Variants in ADGRL3 observed in about 807,000 individuals in gnomAD.
ADGRL3 encodes the protein adhesion G protein-coupled receptor L3, also known as calcium-independent alpha-latrotoxin receptor 3.
In ADGRL3, 62 loss-of-function variants were observed where a neutral mutation model predicts 153.5. That is an observed-to-expected ratio of 0.40 (90% CI 0.33 to 0.50). ADGRL3 has a LOEUF of 0.50. Among genes scored for constraint, ADGRL3 ranks in the 20% least tolerant of loss-of-function variants. The pLI is 0.47. For missense variants in ADGRL3, 1,641 were observed against 1,859.4 expected (o/e 0.88, Z 2.16); for synonymous variants, 710 against 672.5 (o/e 1.06, Z -0.86).
At chr4:61,816,039 A>C (rs2097685165) in intron 9 of ADGRL3, among the ~76,000 whole-genome samples, 1 of 152,230 alleles carries the variant, frequency 6.6e-6, no homozygotes, top group African/African-American at 2.4e-5. Context: ...TATGAATTAT[A>C]AATCAATGCA....
intron 2 of ADGRL3, among the ~76,000 whole-genome samples, chr4:61,421,193 G>T (rs1380864279): frequency 6.6e-6 from 1 of 152,084 alleles, no homozygotes; most frequent in Admixed American, 6.5e-5. Context: ...AATTAGCTGG[G>T]CTTGGTGGCG....
intron 5 of ADGRL3, among the ~76,000 whole-genome samples, chr4:61,639,235 T>C (rs908605475): frequency 4.6e-5 from 7 of 152,152 alleles, no homozygotes; most frequent in African/African-American, 1.7e-4. Context: ...GCCTCATGAA[T>C]GTTAGGTGTA....
intron 4 of ADGRL3, among the ~76,000 whole-genome samples, chr4:61,528,125 C>T (rs900174981): frequency 3.3e-5 from 5 of 152,136 alleles, no homozygotes; most frequent in African/African-American, 7.2e-5. Flanking sequence ...CACTATGCTT[C>T]GGTTCCCTCA....
At chr4:61,446,669 G>A (rs1235900205) in intron 2 of ADGRL3, among the ~76,000 whole-genome samples, 2 of 152,174 alleles carry the variant, frequency 1.3e-5, no homozygotes, top group Non-Finnish European at 2.9e-5. Context: ...TTTGACCTTA[G>A]CAGTTTGTAA....
chr4:61,973,359 C>A (rs1454294018), intron 17 of ADGRL3, among the ~76,000 whole-genome samples: 1 of 151,930 alleles, frequency 6.6e-6, no homozygotes, highest in African/African-American at 2.4e-5. Context: ...TCCTTTCCTC[C>A]CATCACTCCA....
At chr4:61,945,976 T>C (rs2098921396) in intron 15 of ADGRL3, among the ~76,000 whole-genome samples, 1 of 152,140 alleles carries the variant, frequency 6.6e-6, no homozygotes, top group Non-Finnish European at 1.5e-5. Context: ...TATATTCTAT[T>C]ATATAATGTG....
chr4:61,963,921 G>A (rs1195312872), intron 17 of ADGRL3, among the ~76,000 whole-genome samples: 1 of 152,164 alleles, frequency 6.6e-6, no homozygotes, highest in Non-Finnish European at 1.5e-5. Flanking sequence ...GTGGACACTG[G>A]ATGAAGACTT....
At chr4:61,525,486 G>C (rs2098553768) in intron 4 of ADGRL3, among the ~76,000 whole-genome samples, 1 of 152,126 alleles carries the variant, frequency 6.6e-6, no homozygotes, top group Admixed American at 6.6e-5. Context: ...GTGAGACTCT[G>C]TACATAATTG....
At chr4:61,961,284 A>G (rs1295384995) in intron 17 of ADGRL3, among the ~76,000 whole-genome samples, 1 of 152,140 alleles carries the variant, frequency 6.6e-6, no homozygotes, top group African/African-American at 2.4e-5. Context: ...TGTGCCAGAC[A>G]CTTGCAAACA....
At chr4:61,724,768 T>A (rs975750713) in intron 6 of ADGRL3, among the ~76,000 whole-genome samples, 5 of 151,402 alleles carry the variant, frequency 3.3e-5, no homozygotes, top group African/African-American at 1.2e-4. Flanking sequence ...GAACTTCACA[T>A]TTTTTTTTAT....
intron 25 of ADGRL3, among the ~76,000 whole-genome samples, chr4:62,049,653 C>T (rs1396862181): frequency 6.6e-6 from 1 of 152,074 alleles, no homozygotes; most frequent in African/African-American, 2.4e-5. Flanking sequence ...TAGCTAGTGG[C>T]ATTACTACCT....
intron 8 of ADGRL3, among the ~76,000 whole-genome samples, chr4:61,737,192 T>G (rs540571978): frequency 6.6e-6 from 1 of 152,142 alleles, no homozygotes; most frequent in Non-Finnish European, 1.5e-5. Flanking sequence ...AGTCAAAAAC[T>G]AATCCTAAAT....
At chr4:61,737,067 T>A (rs1189067702) in intron 8 of ADGRL3, among the ~76,000 whole-genome samples, 1 of 151,492 alleles carries the variant, frequency 6.6e-6, no homozygotes, top group Non-Finnish European at 1.5e-5. Flanking sequence ...GTAAATTACA[T>A]TGACTTTTTT....
chr4:62,002,559 A>C (rs2099144167), intron 21 of ADGRL3, among the ~76,000 whole-genome samples: 1 of 151,966 alleles, frequency 6.6e-6, no homozygotes, highest in South Asian at 2.1e-4. Flanking sequence ...TTCTCTAGAA[A>C]AAATAATAAA....
chr4:61,295,208 G>T (rs929429262), intron 1 of ADGRL3, among the ~76,000 whole-genome samples: 6 of 152,034 alleles, frequency 3.9e-5, no homozygotes, highest in African/African-American at 1.4e-4. Flanking sequence ...AACTGTCAAG[G>T]TATTGCAGTG....
At chr4:61,629,550 C>G (rs2093028876) in intron 5 of ADGRL3, among the ~76,000 whole-genome samples, 1 of 151,026 alleles carries the variant, frequency 6.6e-6, no homozygotes, top group South Asian at 2.1e-4. Context: ...AATCCCCTCT[C>G]TACTAAAAAT....
At chr4:61,417,914 T>G (rs2097161996) in intron 2 of ADGRL3, among the ~76,000 whole-genome samples, 1 of 152,132 alleles carries the variant, frequency 6.6e-6, no homozygotes, top group Admixed American at 6.5e-5. Context: ...CTTGTTGCAT[T>G]TTTTAGAAAA....
intron 5 of ADGRL3, among the ~76,000 whole-genome samples, chr4:61,595,634 GTGA>G (rs2098985909): frequency 6.6e-6 from 1 of 152,164 alleles, no homozygotes; most frequent in African/African-American, 2.4e-5. Flanking sequence ...GGTTAGAGGA[GTGA>G]TGGCACAAGC....
chr4:61,408,728 G>A, intron 2 of ADGRL3, among the ~76,000 whole-genome samples: 1 of 151,884 alleles, frequency 6.6e-6, no homozygotes, highest in East Asian at 1.9e-4. Flanking sequence ...TAATATGCAT[G>A]GTTTTAGACT....
Sources: allele counts gnomAD v4.1 joint callset (sites outside exome capture counted in the v4.1 genomes callset), GRCh38; gene constraint gnomAD v4.1.1; transcripts MANE v1.5; gene names NCBI Gene and HGNC (gene_info 2026-07-23, HGNC 2026-07-21).